EPN2: variants seen among roughly 807,000 people sequenced by gnomAD.
EPN2 encodes epsin 2.
EPN2 carries 34 observed loss-of-function variants against 61.7 expected under a neutral mutation model. The ratio of observed to expected loss-of-function variants is 0.55; its 90% CI spans 0.42 to 0.73. EPN2 has a LOEUF of 0.73. Among genes scored for constraint, EPN2 ranks in the 30% least tolerant of loss-of-function variants. The pLI, the probability that EPN2 is intolerant of heterozygous loss-of-function variation, is 0.00. For missense variants in EPN2, 714 were observed against 839.2 expected (o/e 0.85, Z 1.84); for synonymous variants, 349 against 353.6 (o/e 0.99, Z 0.15).
At chr17:19,256,881 A>G (rs2045086319) in intron 1 of EPN2, among the ~76,000 whole-genome samples, 1 of 152,230 alleles carries the variant, frequency 6.6e-6, no homozygotes, top group African/African-American at 2.4e-5. Context: ...AGACTTGACA[A>G]ATAAAGAGAA....
intron 7 of EPN2, among the ~76,000 whole-genome samples, chr17:19,320,550 A>G (rs1398115036): frequency 2.6e-5 from 4 of 152,144 alleles, no homozygotes; most frequent in Non-Finnish European, 5.9e-5. Context: ...GCTTCTAAAA[A>G]TCCAAATGCT....
Position 19,320,947 on chromosome 17 carries a change from G to C in EPN2, c.1147+7668G>C, listed in dbSNP as rs192296152. 4.4e-3 allele frequency among the ~76,000 whole-genome samples: 673 copies of C among 152,276 alleles called. 16 individuals carry two copies. Among genetic ancestry groups the C allele is most frequent in the Admixed American group, 0.039 (595 of 15,300 alleles). ...TAGTTAGTGATGGAGCACACCCTCTGTGTGTCAGGCTTGGATCTCGGGGAT... is the reference window on the plus strand; with the variant it reads ...TAGTTAGTGATGGAGCACACCCTCTCTGTGTCAGGCTTGGATCTCGGGGAT... On this transcript the variant is annotated intron_variant, in intron 7 of 10. Transcript: ENST00000314728.
intron 4 of EPN2, among the ~76,000 whole-genome samples, chr17:19,300,559 G>T (rs930921931): frequency 2.7e-5 from 4 of 150,074 alleles, no homozygotes; most frequent in Admixed American, 6.7e-5. Flanking sequence ...CTCCCAAGTA[G>T]CTGGGATTAC....
At chr17:19,271,933 G>A (rs757739066) in intron 1 of EPN2, among the ~76,000 whole-genome samples, 35 of 152,216 alleles carry the variant, frequency 2.3e-4, no homozygotes, top group Non-Finnish European at 4.9e-4. Flanking sequence ...CCACACTCTC[G>A]CAGGCTCCTC....
At chr17:19,307,488 A>G (rs1905904442) in intron 4 of EPN2, among the ~76,000 whole-genome samples, 1 of 151,696 alleles carries the variant, frequency 6.6e-6, no homozygotes, top group Admixed American at 6.6e-5. Flanking sequence ...TTTATTTTGT[A>G]TTTTTAGTAG....
Position 19,283,830 on chromosome 17 carries a change from C to T in EPN2, c.595+116C>T. The T allele has an allele frequency of 1.3e-6, 1 of 749,316 alleles. No individual in the cohort carries two copies. The highest frequency in any genetic ancestry group is 2.7e-5 in the East Asian group (1 of 36,694). 46.4% of individuals were successfully genotyped at this position (749,316 alleles called of 1,614,324 possible). ...CCACTGCAGAGCTCGAACCTGTCCT[C>T]AGTACCCAGCTTTTGGTGGCCCAGG... On this transcript the variant is annotated intron_variant, in intron 3 of 10. Transcript: ENST00000314728. This position sits in a 1 kb window ranked among gnomAD's most constrained non-coding sequence, Gnocchi z 7.0.
At chr17:19,255,940 T>A (rs576564023) in intron 1 of EPN2, among the ~76,000 whole-genome samples, 4 of 152,002 alleles carry the variant, frequency 2.6e-5, no homozygotes, top group African/African-American at 9.6e-5. Context: ...TTTTTTATTT[T>A]TTATTTATTT....
chr17:19,295,373 T>TGCAC (rs1555600607), intron 4 of EPN2, among the ~76,000 whole-genome samples: 1 of 144,222 alleles, frequency 6.9e-6, no homozygotes, highest in East Asian at 2.0e-4. Context: ...CACACGCGCG[T>TGCAC]GCGCGCAAAA....
intron 1 of EPN2, among the ~76,000 whole-genome samples, chr17:19,260,659 A>G (rs1349231564): frequency 6.6e-6 from 1 of 151,248 alleles, no homozygotes; most frequent in East Asian, 1.9e-4. Flanking sequence ...TCTTTTGAAT[A>G]GGCAATACAG....
At chr17:19,314,087 A>G (rs534440373) in intron 7 of EPN2, among the ~76,000 whole-genome samples, 1 of 152,126 alleles carries the variant, frequency 6.6e-6, no homozygotes, top group Non-Finnish European at 1.5e-5. Context: ...TCTTGTGTTT[A>G]ACTCGGTTCC....
chr17:19,298,938 T>C (rs1243649181), intron 4 of EPN2, among the ~76,000 whole-genome samples: 1 of 152,230 alleles, frequency 6.6e-6, no homozygotes, highest in Non-Finnish European at 1.5e-5. Context: ...AACAGAAAGC[T>C]TGTTTTTTTC....
At chr17:19,286,265 G>T (rs898865789) in intron 4 of EPN2, among the ~76,000 whole-genome samples, 1 of 151,480 alleles carries the variant, frequency 6.6e-6, no homozygotes, top group African/African-American at 2.4e-5. Flanking sequence ...GCCTTGCCCT[G>T]AATAAAATGG....
intron 1 of EPN2, among the ~76,000 whole-genome samples, chr17:19,244,007 T>C (rs576897187): frequency 2.6e-5 from 4 of 152,280 alleles, no homozygotes; most frequent in African/African-American, 9.6e-5. Context: ...TTTCTGAATA[T>C]TGGTCTGAAG....
chr17:19,270,729 G>T (rs918625907), intron 1 of EPN2, among the ~76,000 whole-genome samples: 1 of 152,186 alleles, frequency 6.6e-6, no homozygotes, highest in African/African-American at 2.4e-5. Context: ...CCCTGTGGCC[G>T]GAGTGAGAAC....
At chr17:19,295,757 TC>T (rs1253207418) in intron 4 of EPN2, among the ~76,000 whole-genome samples, 1 of 152,082 alleles carries the variant, frequency 6.6e-6, no homozygotes, top group Non-Finnish European at 1.5e-5. Flanking sequence ...TCCCAAAATG[TC>T]CCAAATCCTG....
intron 1 of EPN2, among the ~76,000 whole-genome samples, chr17:19,266,486 T>G (rs1196010711): frequency 6.6e-6 from 1 of 151,654 alleles, no homozygotes; most frequent in Non-Finnish European, 1.5e-5. Flanking sequence ...CACTGCAAGC[T>G]CCGCCTCCCG....
chr17:19,264,858 T>C (rs183245289), intron 1 of EPN2, among the ~76,000 whole-genome samples: 1 of 152,132 alleles, frequency 6.6e-6, no homozygotes, highest in East Asian at 1.9e-4. Flanking sequence ...TCTCTGTCCC[T>C]TGAGAGCCTG....
At chr17:19,274,986 C>T (rs912212024) in intron 1 of EPN2, among the ~76,000 whole-genome samples, 4 of 152,218 alleles carry the variant, frequency 2.6e-5, no homozygotes, top group Admixed American at 2.6e-4. Flanking sequence ...AGCTTGTCCC[C>T]TGCATGTATG....
At chr17:19,289,074 GTTTTTTTTTT>G (rs1162172422) in intron 4 of EPN2, among the ~76,000 whole-genome samples, 40 of 68,688 alleles carry the variant, frequency 5.8e-4, no homozygotes, top group South Asian at 1.3e-3. Flanking sequence ...TTCTGGGTAT[GTTTTTTTTTT>G]TTTTTTTTTT....
Sources: gnomAD v4.1 joint callset for allele counts (sites outside exome capture counted in the v4.1 genomes callset) on GRCh38, gnomAD v4.1.1 for gene constraint, Gnocchi (gnomAD v3.1) non-coding constraint, MANE v1.5 for transcripts, NCBI Gene and HGNC (gene_info 2026-07-23, HGNC 2026-07-21) for gene names.